Variants in SPINK6 observed in about 807,000 individuals in gnomAD.
The protein encoded by SPINK6 is serine protease inhibitor Kazal-type 6.
SPINK6 carries 13 observed loss-of-function variants against 11.7 expected under a neutral mutation model. The ratio of observed to expected loss-of-function variants is 1.11; its 90% CI spans 0.72 to 1.76. The LOEUF (loss-of-function observed/expected upper bound fraction) is 1.76, where lower values mean the gene tolerates loss of function less well. SPINK6 is among the 40% of genes most tolerant of loss of function. The pLI, the probability that SPINK6 is intolerant of heterozygous loss-of-function variation, is 0.00. For missense variants in SPINK6, 98 were observed against 93.7 expected (o/e 1.05, Z -0.19); for synonymous variants, 21 against 31.9 (o/e 0.66, Z 1.15).
At chr5:148,210,002 GTATA>G (rs1561732208) in intron 2 of SPINK6, among the ~76,000 whole-genome samples, 1 of 149,282 alleles carries the variant, frequency 6.7e-6, no homozygotes, top group Admixed American at 6.7e-5. Context: ...ATACACGTAT[GTATA>G]CATGTATGTA....
At chr5:148,205,514 C>T (rs1581139900) in intron 1 of SPINK6, among the ~76,000 whole-genome samples, 1 of 152,066 alleles carries the variant, frequency 6.6e-6, no homozygotes, top group African/African-American at 2.4e-5. Flanking sequence ...TGAGTTGTTC[C>T]TTACCAGTTT....
intron 2 of SPINK6, among the ~76,000 whole-genome samples, chr5:148,212,634 T>A (rs13174249): frequency 1.1e-4 from 12 of 107,076 alleles, no homozygotes; most frequent in African/African-American, 3.5e-4. Context: ...TATTATATAT[T>A]ATATATAATA....
intron 3 of SPINK6, among the ~76,000 whole-genome samples, chr5:148,214,462 G>GT (rs1755656106): frequency 6.6e-6 from 1 of 152,202 alleles, no homozygotes; most frequent in African/African-American, 2.4e-5. Context: ...AGTCAGTGGT[G>GT]TAATATGAGA....
At chr5:148,210,037 CGTATGTATGCATATATGTATGTATAT>C (rs1335026990) in intron 2 of SPINK6, among the ~76,000 whole-genome samples, 2 of 26,030 alleles carry the variant, frequency 7.7e-5, no homozygotes, top group South Asian at 2.8e-3. Context: ...CATGCACAAA[CGTATGTATGCATATATGTATGTATAT>C]GTATGTATGC....
At chr5:148,214,163 T>C (rs921124730) in intron 3 of SPINK6, 138 bp downstream of exon 3, 3 of 515,446 alleles carry the variant, frequency 5.8e-6, no homozygotes, top group East Asian at 6.0e-5. Flanking sequence ...GGCAATTTGA[T>C]TGAAAACAGA....
At chr5:148,212,172 G>A (rs540770367) in intron 2 of SPINK6, among the ~76,000 whole-genome samples, 26 of 152,002 alleles carry the variant, frequency 1.7e-4, no homozygotes, top group Admixed American at 1.2e-3. Context: ...AGTGGCAAAG[G>A]TGCTACCATT....
intron 2 of SPINK6, among the ~76,000 whole-genome samples, chr5:148,206,311 A>G (rs1322201272): frequency 6.6e-6 from 1 of 152,196 alleles, no homozygotes; most frequent in African/African-American, 2.4e-5. Flanking sequence ...GATAAAATTC[A>G]TGCTCTATCA....
intron 2 of SPINK6, among the ~76,000 whole-genome samples, chr5:148,208,017 G>A (rs769318414): frequency 1.3e-5 from 2 of 152,110 alleles, no homozygotes; most frequent in Non-Finnish European, 2.9e-5. Flanking sequence ...AGAAAACTGA[G>A]CATTTTTCCC....
chr5:148,205,875 A>AG lies in SPINK6; in HGVS notation c.59-161_59-160insG, dbSNP rs546194189. Among the ~76,000 whole-genome samples the AG allele has an allele frequency of 2.4e-4, 37 of 152,124 alleles. 1 individual carries two copies. The East Asian group carries it at 6.6e-3, about 27-fold the overall frequency. ...TAAGAAGTGAGCAGATTAAAAAAAA[A>AG]AAGAAGAAGAAGAAGAAAACAAAAA... On this transcript the variant is annotated intron_variant, in intron 1 of 3. Transcript: ENST00000325630.
chr5:148,210,563 T>C (rs982403596), intron 2 of SPINK6, among the ~76,000 whole-genome samples: 2 of 151,648 alleles, frequency 1.3e-5, no homozygotes, highest in Non-Finnish European at 1.5e-5. Flanking sequence ...TATTCTGGGA[T>C]TTTTCAGTAC....
At position 148,203,152 on chromosome 5, in the gene SPINK6, C is replaced by G. The variant is rs146625765; in HGVS notation, c.56C>G (p.Thr19Arg). The change falls in exon 1 of 4, where the codon ACA becomes AGA. Residue 19 changes from threonine to arginine, a missense_variant and splice_region_variant. Transcript: ENST00000325630. ...LLSLALFCFL[T>R]GVFSQGGQVD... ...TCTCTGGCTCTTTTCTGCTTTTTAA[C>G]AGGTAAGTTTTTTCTTAAAATTAAG... 6.2e-7 allele frequency: 1 copy of G among 1,609,694 alleles called. No individual in the cohort carries two copies.
chr5:148,214,837 G>A (rs950099267), intron 3 of SPINK6, 68 bp from the exon 4 acceptor site: 1 of 1,234,740 alleles, frequency 8.1e-7, no homozygotes, highest in African/African-American at 1.5e-5. Flanking sequence ...TGTTAAATAT[G>A]TTTAGAACTT....
At chr5:148,214,136 T>A in intron 3 of SPINK6, 111 bp downstream of exon 3, 1 of 531,446 alleles carries the variant, frequency 1.9e-6, no homozygotes, top group East Asian at 3.1e-5. Flanking sequence ...CCATAGAGAC[T>A]GAAGAAACAA....
chr5:148,212,733 CTA>C (rs1383445563), intron 2 of SPINK6, among the ~76,000 whole-genome samples: 2 of 119,502 alleles, frequency 1.7e-5, no homozygotes, highest in East Asian at 2.3e-4. Flanking sequence ...TTTATATAAA[CTA>C]TATATTTATA....
intron 2 of SPINK6, among the ~76,000 whole-genome samples, chr5:148,211,571 G>A (rs1158973850): frequency 1.3e-5 from 2 of 152,142 alleles, no homozygotes; most frequent in Non-Finnish European, 2.9e-5. Context: ...GGCATGACAT[G>A]TGTTCCTTGT....
chr5:148,213,406 A>G (rs996903096), intron 2 of SPINK6, among the ~76,000 whole-genome samples: 21 of 117,138 alleles, frequency 1.8e-4, no homozygotes, highest in African/African-American at 5.4e-4. Context: ...TCATCGTGTT[A>G]GCCAGGATGG....
At chr5:148,208,174 G>C (rs1642112875) in intron 2 of SPINK6, among the ~76,000 whole-genome samples, 2 of 152,102 alleles carry the variant, frequency 1.3e-5, no homozygotes. Flanking sequence ...ACATTACTAA[G>C]ATGAAGATTT....
intron 2 of SPINK6, among the ~76,000 whole-genome samples, chr5:148,210,124 A>G (rs1032410312): frequency 4.6e-5 from 7 of 150,598 alleles, no homozygotes; most frequent in African/African-American, 9.7e-5. Context: ...ATGTATGTTT[A>G]CATTTATTTC....
chr5:148,205,982 C>G, intron 1 of SPINK6, 54 bp from the exon 2 acceptor site: 1 of 1,599,522 alleles, frequency 6.3e-7, no homozygotes, highest in Non-Finnish European at 8.6e-7. Context: ...TTGAAAATTT[C>G]ACTTTTTGTA....
Sources: allele counts gnomAD v4.1 joint callset (sites outside exome capture counted in the v4.1 genomes callset), GRCh38; gene constraint gnomAD v4.1.1; transcripts MANE v1.5; gene names NCBI Gene and HGNC (gene_info 2026-07-23, HGNC 2026-07-21).